Variants in RBMS2 observed in about 807,000 individuals in gnomAD.
RBMS2 encodes RNA binding motif single stranded interacting protein 2, also known as RNA-binding motif, single-stranded-interacting protein 2.
In RBMS2, 38 loss-of-function variants were observed where a neutral mutation model predicts 58.4. That is an observed-to-expected ratio of 0.65 (90% CI 0.50 to 0.85). RBMS2 has a LOEUF of 0.85. Among genes scored for constraint, RBMS2 ranks in the 40% least tolerant of loss-of-function variants. The probability of loss-of-function intolerance (pLI) is 0.00; values close to 1 mark genes in which losing one functional copy is unlikely to be tolerated. For missense variants in RBMS2, 367 were observed against 503.7 expected, an observed-to-expected ratio of 0.73 and a Z score of 2.60; for synonymous variants, 151 against 180.7, an observed-to-expected ratio of 0.84 and a Z score of 1.32.
At chr12:56,528,237 G>A (rs1203481377) in intron 1 of RBMS2, among the ~76,000 whole-genome samples, 2 of 136,740 alleles carry the variant, frequency 1.5e-5, no homozygotes, top group African/African-American at 5.3e-5. Context: ...GCAACTGAGC[G>A]AGACCATGTA....
chr12:56,521,832 T>C lies in RBMS2; in HGVS notation c.-192T>C. The C allele has an allele frequency of 1.8e-6, 1 of 568,288 alleles. No homozygotes were observed. Among genetic ancestry groups the C allele is most frequent in the Non-Finnish European group, 3.1e-6 (1 of 325,198 alleles). 35.2% of individuals were successfully genotyped at this position (568,288 alleles called of 1,614,324 possible). A position where few individuals can be genotyped will look rare whatever the true frequency, so the allele number is the denominator to read the frequency against. ...GACGTAAAGGAGCAGCCCGAGCTCA[T>C]TCTCTGCCCGCAGCCCCCCTTCATC... On this transcript the variant is annotated 5_prime_UTR_variant, in exon 1 of 14. Coordinates refer to ENST00000262031, the MANE Select transcript of RBMS2 (RefSeq NM_002898.4).
chr12:56,534,007 T>A (rs560195553), intron 1 of RBMS2, among the ~76,000 whole-genome samples: 3 of 152,226 alleles, frequency 2.0e-5, no homozygotes, highest in African/African-American at 7.2e-5. Context: ...AGTTTGAAAA[T>A]CATACTGCTA....
intron 9 of RBMS2, among the ~76,000 whole-genome samples, chr12:56,582,379 A>G (rs531833151): frequency 6.6e-5 from 10 of 152,282 alleles, no homozygotes; most frequent in African/African-American, 2.2e-4. Flanking sequence ...AAGTAAACTC[A>G]TGTTAATGTC....
intron 9 of RBMS2, 96 bp downstream of exon 9, chr12:56,582,248 T>C: frequency 9.1e-7 from 1 of 1,098,738 alleles, no homozygotes; most frequent in South Asian, 1.6e-5. Flanking sequence ...TTTTTGTTTT[T>C]CCTTTTAATC....
At chr12:56,584,310 G>A (rs1197952619) in intron 9 of RBMS2, among the ~76,000 whole-genome samples, 2 of 151,826 alleles carry the variant, frequency 1.3e-5, no homozygotes, top group African/African-American at 4.8e-5. Flanking sequence ...GTGCGTGCCT[G>A]TAATCCCAGT....
At chr12:56,538,640 C>T (rs1354880391) in intron 1 of RBMS2, among the ~76,000 whole-genome samples, 1 of 137,804 alleles carries the variant, frequency 7.3e-6, no homozygotes, top group East Asian at 1.9e-4. Flanking sequence ...TGCCACCAAG[C>T]CCGGCTAATT....
At chr12:56,523,228 G>A (rs1192047601) in intron 1 of RBMS2, among the ~76,000 whole-genome samples, 1 of 152,102 alleles carries the variant, frequency 6.6e-6, no homozygotes, top group Non-Finnish European at 1.5e-5. Flanking sequence ...ATAGGTCAGA[G>A]GATACAAAGT....
intron 11 of RBMS2, 148 bp from the exon 12 acceptor site, chr12:56,588,146 A>C: frequency 1.5e-6 from 1 of 650,246 alleles, no homozygotes; most frequent in Non-Finnish European, 2.7e-6. Context: ...AACCACCTGA[A>C]GTGCTTTTAA....
chr12:56,554,236 C>T (rs1488526042), intron 1 of RBMS2, among the ~76,000 whole-genome samples: 1 of 152,164 alleles, frequency 6.6e-6, no homozygotes, highest in East Asian at 1.9e-4. Flanking sequence ...TTTCCCCTAT[C>T]AGCTGTCAAG....
Position 56,558,408 on chromosome 12 carries a change from G to A in RBMS2, c.67-4009G>A, listed in dbSNP as rs916111003. The stretch of plus-strand genomic sequence containing the variant: ...TTGTTTGGACAGTCCTGGCATCACT[G>A]ATACTTTCTTTCAGAAACATTATCT... On this transcript the variant is annotated intron_variant, in intron 1 of 13. Coordinates refer to ENST00000262031, the MANE Select transcript of RBMS2 (RefSeq NM_002898.4). Among the ~76,000 whole-genome samples the A allele has an allele frequency of 8.1e-5, 12 of 149,006 alleles. No homozygotes were observed. In the Admixed American group the frequency reaches 8.2e-4, roughly 10 times the overall value.
rs1885365770 is a variant in RBMS2, at chr12:56,592,416, TG to T, written c.*3284del. 1 of 152,232 alleles carries T rather than the reference TG, an allele frequency of 6.6e-6. No individual in the cohort carries two copies. The highest frequency in any genetic ancestry group is 2.4e-5 in the African/African-American group (1 of 41,446). 9.4% of individuals were successfully genotyped at this position (152,232 alleles called of 1,614,324 possible). ...TTACTCCTCATCTCAGGCTCTGAGA[TG>T]ATACTCAGACCCTAAACTGATTGGA... On this transcript the variant is annotated 3_prime_UTR_variant, in exon 14 of 14. Transcript: ENST00000262031.
intron 1 of RBMS2, among the ~76,000 whole-genome samples, chr12:56,549,001 CTTTA>C (rs1307221744): frequency 2.0e-5 from 3 of 152,000 alleles, no homozygotes; most frequent in Non-Finnish European, 4.4e-5. Context: ...AATGCAACTT[CTTTA>C]TTTGTTTTGA....
intron 2 of RBMS2, among the ~76,000 whole-genome samples, chr12:56,567,300 G>A (rs1161895205): frequency 6.6e-6 from 1 of 151,658 alleles, no homozygotes; most frequent in Non-Finnish European, 1.5e-5. Context: ...CAGGAGAATC[G>A]CTTGAACCTG....
intron 2 of RBMS2, among the ~76,000 whole-genome samples, chr12:56,563,323 A>G (rs1329386841): frequency 6.6e-6 from 1 of 152,122 alleles, no homozygotes; most frequent in Non-Finnish European, 1.5e-5. Context: ...TAATATCTCT[A>G]TAGATGTTAA....
chr12:56,577,256 T>G (rs1323270502), intron 5 of RBMS2, among the ~76,000 whole-genome samples: 2 of 151,112 alleles, frequency 1.3e-5, no homozygotes. Flanking sequence ...GTACAAAAAT[T>G]AGCTGGGCGA....
At chr12:56,584,579 A>G (rs1187135412) in intron 9 of RBMS2, among the ~76,000 whole-genome samples, 1 of 151,942 alleles carries the variant, frequency 6.6e-6, no homozygotes, top group Non-Finnish European at 1.5e-5. Flanking sequence ...AGGTCAGGAG[A>G]TCGAGACCAT....
chr12:56,547,723 A>C (rs1198177832), intron 1 of RBMS2, among the ~76,000 whole-genome samples: 1 of 148,148 alleles, frequency 6.8e-6, no homozygotes, highest in African/African-American at 2.5e-5. Flanking sequence ...ACCTCAGCTC[A>C]CTGCAACCTC....
At chr12:56,581,627 A>G in intron 7 of RBMS2, 119 bp downstream of exon 7, 1 of 1,200,348 alleles carries the variant, frequency 8.3e-7, no homozygotes. Context: ...CGTAATTGAG[A>G]AATGCTGGCT....
intron 5 of RBMS2, among the ~76,000 whole-genome samples, chr12:56,579,501 C>T (rs949457867): frequency 2.0e-5 from 3 of 151,798 alleles, no homozygotes; most frequent in African/African-American, 2.4e-5. Flanking sequence ...GGTGTGGTGG[C>T]GGGCACCTGT....
Sources: allele counts gnomAD v4.1 joint callset (sites outside exome capture counted in the v4.1 genomes callset), GRCh38; gene constraint gnomAD v4.1.1; transcripts MANE v1.5; gene names NCBI Gene and HGNC (gene_info 2026-07-23, HGNC 2026-07-21).